SLC39A11: variants seen among roughly 807,000 people sequenced by gnomAD.
SLC39A11 encodes the protein solute carrier family 39 member 11, also known as zinc transporter ZIP11.
A neutral mutation model predicts 36.1 loss-of-function variants in SLC39A11; 33 were observed. The ratio of observed to expected loss-of-function variants is 0.91; its 90% CI spans 0.69 to 1.22. The LOEUF is 1.22. SLC39A11 is among the 50% of genes most tolerant of loss of function. The pLI is 0.00. For synonymous variants in SLC39A11, 166 were observed against 170.3 expected (o/e 0.97, Z 0.20); for missense variants, 432 against 430.3 (o/e 1.00, Z -0.03).
At chr17:73,027,368 TCCACCCCC>T (rs2058593506) in intron 4 of SLC39A11, among the ~76,000 whole-genome samples, 1 of 152,212 alleles carries the variant, frequency 6.6e-6, no homozygotes, top group Non-Finnish European at 1.5e-5. Flanking sequence ...ACCTTCCTTG[TCCACCCCC>T]TTTTTTTCTC....
intron 4 of SLC39A11, among the ~76,000 whole-genome samples, chr17:73,006,861 G>A (rs1349378808): frequency 3.3e-5 from 5 of 152,084 alleles, no homozygotes; most frequent in Non-Finnish European, 7.4e-5. Flanking sequence ...GAGATTAAGG[G>A]GGCCTCAGCA....
chr17:73,088,881 G>T, intron 1 of SLC39A11, 106 bp from the exon 2 acceptor site: 1 of 791,598 alleles, frequency 1.3e-6, no homozygotes, highest in Non-Finnish European at 2.1e-6. Flanking sequence ...CTCCCTCCAG[G>T]TTGACCGTAT....
chr17:72,731,442 C>T (rs1250369328), intron 7 of SLC39A11, among the ~76,000 whole-genome samples: 1 of 152,140 alleles, frequency 6.6e-6, no homozygotes, highest in Non-Finnish European at 1.5e-5. Flanking sequence ...ATGGGGGCGG[C>T]TTTCCTCCTT....
intron 4 of SLC39A11, chr17:72,993,093 AG>A (rs1320679582): frequency 1.3e-5 from 2 of 152,196 alleles, no homozygotes; most frequent in African/African-American, 4.8e-5. Flanking sequence ...GGTCCCTCCC[AG>A]GACATGTGGG....
chr17:72,845,359 T>C (rs2079002588), intron 6 of SLC39A11, among the ~76,000 whole-genome samples: 1 of 152,238 alleles, frequency 6.6e-6, no homozygotes, highest in African/African-American at 2.4e-5. Context: ...AGTGGACTCT[T>C]GGCTACTCCT....
intron 6 of SLC39A11, among the ~76,000 whole-genome samples, chr17:72,838,373 C>T (rs148101716): frequency 2.1e-4 from 32 of 151,956 alleles, no homozygotes; most frequent in Non-Finnish European, 3.4e-4. Context: ...GGACCACAAG[C>T]GTGCACCACC....
At chr17:72,832,416 C>T (rs575215205) in intron 6 of SLC39A11, among the ~76,000 whole-genome samples, 3 of 152,352 alleles carry the variant, frequency 2.0e-5, no homozygotes, top group African/African-American at 7.2e-5. Context: ...CCCAAACCGC[C>T]ATGCTGAGCT....
intron 1 of SLC39A11, among the ~76,000 whole-genome samples, chr17:73,089,548 T>C (rs1462154610): frequency 6.6e-6 from 1 of 152,188 alleles, no homozygotes; most frequent in Non-Finnish European, 1.5e-5. Flanking sequence ...CCCAGCCCTG[T>C]CCTAGCATGC....
rs974924382 is a variant in SLC39A11, at chr17:73,020,658, T to G, written c.306+10898A>C. 2.4e-4 allele frequency among the ~76,000 whole-genome samples: 36 copies of G among 149,332 alleles called. 1 individual carries two copies. Among genetic ancestry groups the G allele is most frequent in the Admixed American group, 2.0e-3 (29 of 14,794 alleles). ...AGAGAGAACAATGCTTTTGGGTTTTTGGGGGGTCTTTTTGTTTCTTTCTTT... is the reference window on the plus strand; with the variant it reads ...AGAGAGAACAATGCTTTTGGGTTTTGGGGGGGTCTTTTTGTTTCTTTCTTT... On this transcript the variant is annotated intron_variant, in intron 4 of 9. Transcript: ENST00000255559.
At chr17:72,873,818 T>C (rs2080763699) in intron 5 of SLC39A11, among the ~76,000 whole-genome samples, 1 of 152,196 alleles carries the variant, frequency 6.6e-6, no homozygotes, top group Admixed American at 6.5e-5. Flanking sequence ...TCACTTTGAA[T>C]TGTAATAATC....
At chr17:72,715,797 G>A (rs980474976) in intron 7 of SLC39A11, among the ~76,000 whole-genome samples, 38 of 152,194 alleles carry the variant, frequency 2.5e-4, no homozygotes, top group East Asian at 3.9e-4. Flanking sequence ...TCCGCCACCC[G>A]GGTTCAAGCG....
intron 4 of SLC39A11, among the ~76,000 whole-genome samples, chr17:72,963,233 C>T (rs1229072818): frequency 7.6e-6 from 1 of 131,604 alleles, no homozygotes; most frequent in Non-Finnish European, 1.5e-5. Context: ...TGCAGTGGTG[C>T]GATCCCAGCT....
chr17:72,911,746 C>A (rs1275719824), intron 5 of SLC39A11, among the ~76,000 whole-genome samples: 1 of 152,170 alleles, frequency 6.6e-6, no homozygotes, highest in Non-Finnish European at 1.5e-5. Flanking sequence ...CGGGTTCAAG[C>A]AATTCTACCA....
At chr17:72,888,339 G>A (rs544028575) in intron 5 of SLC39A11, among the ~76,000 whole-genome samples, 3 of 152,266 alleles carry the variant, frequency 2.0e-5, no homozygotes, top group East Asian at 3.9e-4. Context: ...AACTTTCAAC[G>A]TATTAATTTT....
intron 4 of SLC39A11, among the ~76,000 whole-genome samples, chr17:72,953,700 A>G (rs1195495283): frequency 2.0e-5 from 3 of 152,262 alleles, no homozygotes; most frequent in African/African-American, 4.8e-5. Context: ...CAGACCCTGC[A>G]GCCCTCAAAC....
chr17:72,786,067 G>A (rs1363554476), intron 6 of SLC39A11, among the ~76,000 whole-genome samples: 2 of 152,196 alleles, frequency 1.3e-5, no homozygotes, highest in East Asian at 3.9e-4. Flanking sequence ...GAAACCGACA[G>A]GGAGGCTAGT....
intron 4 of SLC39A11, among the ~76,000 whole-genome samples, chr17:73,023,166 G>A (rs4290532): frequency 0.85 from 129,567 of 151,916 alleles, 56,154 homozygotes; most frequent in Middle Eastern, 0.95. Flanking sequence ...GGTTCAGAAC[G>A]CCCAGTGCCC....
At chr17:73,052,390 T>A (rs2059535219) in intron 3 of SLC39A11, among the ~76,000 whole-genome samples, 2 of 151,718 alleles carry the variant, frequency 1.3e-5, no homozygotes, top group Non-Finnish European at 2.9e-5. Flanking sequence ...CACTTTGCTC[T>A]TTTTATGGAA....
chr17:72,822,352 T>G (rs1042090151), intron 6 of SLC39A11, among the ~76,000 whole-genome samples: 6 of 148,580 alleles, frequency 4.0e-5, no homozygotes, highest in African/African-American at 1.2e-4. Flanking sequence ...AGAATATATA[T>G]ATAGAGAGAG....
Sources: gnomAD v4.1 joint callset for allele counts (sites outside exome capture counted in the v4.1 genomes callset) on GRCh38, gnomAD v4.1.1 for gene constraint, MANE v1.5 for transcripts, NCBI Gene and HGNC (gene_info 2026-07-23, HGNC 2026-07-21) for gene names.